The following NPAS3 variants were observed in gnomAD, a reference collection of about 807,000 sequenced individuals.
NPAS3 encodes neuronal PAS domain-containing protein 3.
Under a neutral mutation model 73.1 loss-of-function variants are expected in NPAS3, and 14 were observed. The ratio of observed to expected loss-of-function variants is 0.19; its 90% CI spans 0.13 to 0.30. The LOEUF is 0.30. NPAS3 is among the 10% of genes least tolerant of loss of function. The pLI is 1.00. For missense variants in NPAS3, 1,096 were observed against 1,250.0 expected (o/e 0.88, Z 1.86); for synonymous variants, 620 against 541.5 (o/e 1.14, Z -2.01).
intron 2 of NPAS3, among the ~76,000 whole-genome samples, chr14:33,058,929 A>T (rs2040988590): frequency 6.6e-6 from 1 of 152,214 alleles, no homozygotes; most frequent in South Asian, 2.1e-4. Context: ...GGTCAGTCTT[A>T]TGAAAAGGGT....
intron 2 of NPAS3, among the ~76,000 whole-genome samples, chr14:33,073,485 G>C (rs2041554541): frequency 6.6e-6 from 1 of 152,134 alleles, no homozygotes; most frequent in South Asian, 2.1e-4. Flanking sequence ...GACAGGTGAA[G>C]TGCCTTAAGA....
At chr14:33,673,737 A>G (rs943106009) in intron 5 of NPAS3, among the ~76,000 whole-genome samples, 2 of 152,244 alleles carry the variant, frequency 1.3e-5, no homozygotes, top group Non-Finnish European at 2.9e-5. Context: ...CATGTGGAAT[A>G]CAATGTGAAT....
At chr14:33,123,798 T>A (rs2043321811) in intron 2 of NPAS3, among the ~76,000 whole-genome samples, 1 of 151,996 alleles carries the variant, frequency 6.6e-6, no homozygotes, top group African/African-American at 2.4e-5. Context: ...AATCAATTAG[T>A]GTCAATGAGT....
At chr14:33,101,327 T>G (rs17100115) in intron 2 of NPAS3, among the ~76,000 whole-genome samples, 4,092 of 152,188 alleles carry the variant, frequency 0.027, 175 homozygotes, top group African/African-American at 0.088. Context: ...TTATAAATCC[T>G]TATCTTTAAA....
chr14:33,483,838 C>A (rs1380012208), intron 4 of NPAS3, among the ~76,000 whole-genome samples: 1 of 152,196 alleles, frequency 6.6e-6, no homozygotes, highest in African/African-American at 2.4e-5. Flanking sequence ...GACCTTTTTT[C>A]TGGACCTCAA....
At chr14:33,392,445 G>A (rs976541335) in intron 4 of NPAS3, among the ~76,000 whole-genome samples, 8 of 152,022 alleles carry the variant, frequency 5.3e-5, no homozygotes, top group African/African-American at 1.2e-4. Context: ...TAGGTCTGTC[G>A]GATGCCAGTG....
chr14:32,985,281 C>T (rs1043600027), intron 1 of NPAS3, among the ~76,000 whole-genome samples: 1 of 151,992 alleles, frequency 6.6e-6, no homozygotes, highest in Non-Finnish European at 1.5e-5. Context: ...TTAGGTAGGG[C>T]TCGTGTGTGT....
At chr14:33,739,498 A>G (rs535661918) in intron 7 of NPAS3, among the ~76,000 whole-genome samples, 1 of 152,222 alleles carries the variant, frequency 6.6e-6, no homozygotes, top group African/African-American at 2.4e-5. Context: ...TAATTAGCTA[A>G]GGAAAATTAT....
intron 5 of NPAS3, among the ~76,000 whole-genome samples, chr14:33,575,432 T>C (rs2056395803): frequency 1.3e-5 from 2 of 152,182 alleles, no homozygotes. Flanking sequence ...AAGCAGCCCA[T>C]ATGAAGTAGT....
At chr14:33,035,819 G>A (rs1011058678) in intron 1 of NPAS3, among the ~76,000 whole-genome samples, 48 of 152,182 alleles carry the variant, frequency 3.2e-4, no homozygotes, top group Middle Eastern at 3.4e-3. Flanking sequence ...CTGGGCTTTG[G>A]GTACGGGGGA....
chr14:33,577,640 A>G (rs1247081834), intron 5 of NPAS3, among the ~76,000 whole-genome samples: 1 of 152,160 alleles, frequency 6.6e-6, no homozygotes, highest in East Asian at 1.9e-4. Context: ...GTCATCCAGT[A>G]CTGAGACTTA....
At chr14:33,311,481 G>A (rs1378618411) in intron 3 of NPAS3, among the ~76,000 whole-genome samples, 1 of 152,032 alleles carries the variant, frequency 6.6e-6, no homozygotes, top group African/African-American at 2.4e-5. Flanking sequence ...TTGATGCCAT[G>A]GTGCAATAGG....
At position 33,136,936 on chromosome 14, in the gene NPAS3, T is replaced by C. The variant is rs137899337; in HGVS notation, c.141-78246T>C. Among the ~76,000 whole-genome samples, 121 of 152,332 alleles carry C rather than the reference T, an allele frequency of 7.9e-4. 2 individuals carry two copies. The highest frequency in any genetic ancestry group is 3.4e-3 in the Middle Eastern group (1 of 294). ...TCCCGAAGGACCAGGCTTAAATTTA[T>C]AGAAATTTCACTTTATTTTTCTTCG... On this transcript the variant is annotated intron_variant, in intron 2 of 11. Coordinates refer to ENST00000356141, the Ensembl canonical transcript of NPAS3.
At chr14:33,577,246 C>T (rs1373045850) in intron 5 of NPAS3, among the ~76,000 whole-genome samples, 4 of 152,136 alleles carry the variant, frequency 2.6e-5, no homozygotes, top group Non-Finnish European at 4.4e-5. Flanking sequence ...ACTTTTGATG[C>T]ATGTGATTTT....
intron 1 of NPAS3, among the ~76,000 whole-genome samples, chr14:32,963,131 G>A (rs2037002907): frequency 2.0e-5 from 3 of 152,058 alleles, no homozygotes; most frequent in African/African-American, 2.4e-5. Flanking sequence ...ATAATTTAAC[G>A]ATAAAAACTA....
At chr14:33,115,975 G>A (rs1185878900) in intron 2 of NPAS3, among the ~76,000 whole-genome samples, 2 of 151,974 alleles carry the variant, frequency 1.3e-5, no homozygotes, top group Admixed American at 1.3e-4. Context: ...GGTCCCTCAC[G>A]AGTACTTCAA....
chr14:33,185,125 C>T (rs1183378123), intron 2 of NPAS3, among the ~76,000 whole-genome samples: 3 of 152,164 alleles, frequency 2.0e-5, no homozygotes, highest in East Asian at 3.9e-4. Context: ...TCAAGATTAT[C>T]CTGCTAGCCT....
In NPAS3 at chr14:33,800,483, G is replaced by T. The variant is rs1595644047; in HGVS notation, c.2176G>T (p.Ala726Ser). Residue 726 changes from alanine (A) to serine (S), a missense_variant, in exon 12 of 12, where the codon GCC (alanine) becomes TCC (serine). Transcript: ENST00000356141. The surrounding 1 kb of genome is among the most constrained non-coding windows in gnomAD (Gnocchi z 6.5). ...CCCGCCCGGCGCCGACGGCGCGGCC[G>T]CCCGCAAGACTCAGTTCGGCGCCTC... 8 of 1,480,746 alleles carry T rather than the reference G, an allele frequency of 5.4e-6. No homozygotes were observed. The highest frequency in any genetic ancestry group is 6.2e-6 in the Non-Finnish European group (7 of 1,122,114). The allele number at this position is 1,480,746 out of a possible 1,614,324, so 91.7% of individuals were successfully genotyped here.
chr14:33,086,491 T>G (rs1245392039), intron 2 of NPAS3, among the ~76,000 whole-genome samples: 6 of 152,162 alleles, frequency 3.9e-5, no homozygotes, highest in African/African-American at 1.4e-4. Flanking sequence ...GAGTTAGGGT[T>G]TCACTGAGTT....
Sources: gnomAD v4.1 joint callset for allele counts (sites outside exome capture counted in the v4.1 genomes callset) on GRCh38, gnomAD v4.1.1 for gene constraint, Gnocchi (gnomAD v3.1) non-coding constraint, MANE v1.5 for transcripts, NCBI Gene and HGNC (gene_info 2026-07-23, HGNC 2026-07-21) for gene names.